Variants in RUNX1 observed in about 807,000 individuals in gnomAD.
RUNX1 encodes runt-related transcription factor 1.
RUNX1 carries 19 observed loss-of-function variants against 42.8 expected under a neutral mutation model. That is an observed-to-expected ratio of 0.44 (90% confidence interval 0.31 to 0.65). The LOEUF (loss-of-function observed/expected upper bound fraction) is 0.65, where lower values mean the gene tolerates loss of function less well. Among genes scored for constraint, RUNX1 ranks in the 30% least tolerant of loss-of-function variants. RUNX1 has a pLI of 0.07. For synonymous variants in RUNX1, 271 were observed against 289.4 expected, an observed-to-expected ratio of 0.94 and a Z score of 0.64; for missense variants, 528 against 672.0, an observed-to-expected ratio of 0.79 and a Z score of 2.37.
intron 7 of RUNX1, among the ~76,000 whole-genome samples, chr21:34,826,183 G>GCTC (rs775450169): frequency 1.4e-4 from 21 of 152,324 alleles, no homozygotes; most frequent in Middle Eastern, 3.4e-3. Context: ...TGTTGATGAG[G>GCTC]CCTTTGCAGG....
At chr21:34,842,509 A>AAG (rs1177908572) in intron 6 of RUNX1, among the ~76,000 whole-genome samples, 91 of 151,702 alleles carry the variant, frequency 6.0e-4, no homozygotes, top group Non-Finnish European at 1.1e-3. Context: ...AAAAAAAAAA[A>AAG]AAAAAATTAA....
intron 4 of RUNX1, among the ~76,000 whole-genome samples, chr21:34,881,537 G>A (rs997479020): frequency 6.6e-6 from 1 of 152,172 alleles, no homozygotes; most frequent in Non-Finnish European, 1.5e-5. Context: ...CCTCAATTCA[G>A]GGGTGGAATT....
chr21:34,865,325 T>C (rs2057644877), intron 5 of RUNX1, among the ~76,000 whole-genome samples: 1 of 138,466 alleles, frequency 7.2e-6, no homozygotes, highest in African/African-American at 2.7e-5. Context: ...TGTGTGTGTG[T>C]TCAGCAGGTG....
At chr21:35,030,921 G>GA (rs1297584072) in intron 2 of RUNX1, among the ~76,000 whole-genome samples, 5 of 152,132 alleles carry the variant, frequency 3.3e-5, no homozygotes, top group African/African-American at 9.6e-5. Flanking sequence ...CAAAGGACCT[G>GA]AAAAAAACAT....
At chr21:35,020,022 G>A (rs991596477) in intron 2 of RUNX1, among the ~76,000 whole-genome samples, 3 of 152,012 alleles carry the variant, frequency 2.0e-5, no homozygotes, top group Admixed American at 6.5e-5. Flanking sequence ...GATTCATCTT[G>A]GGTCTTAGGG....
chr21:34,886,699 C>A, intron 4 of RUNX1, 144 bp downstream of exon 4: 1 of 1,317,220 alleles, frequency 7.6e-7, no homozygotes, highest in Non-Finnish European at 1.0e-6. Context: ...GCATCCCCCA[C>A]ATCCCAAGCT....
intron 7 of RUNX1, among the ~76,000 whole-genome samples, chr21:34,827,436 G>A (rs1569030626): frequency 6.6e-6 from 1 of 152,240 alleles, no homozygotes; most frequent in Non-Finnish European, 1.5e-5. Flanking sequence ...ATTTGGAAGA[G>A]AGTACTAAGG....
chr21:34,876,198 C>T (rs893271600), intron 5 of RUNX1, among the ~76,000 whole-genome samples: 2 of 152,088 alleles, frequency 1.3e-5, no homozygotes, highest in African/African-American at 4.8e-5. Context: ...CAGAATAGGC[C>T]CCCTCCCCTT....
At chr21:35,004,106 G>T (rs1277921308) in intron 2 of RUNX1, among the ~76,000 whole-genome samples, 2 of 152,176 alleles carry the variant, frequency 1.3e-5, no homozygotes, top group East Asian at 1.9e-4. Flanking sequence ...GAAAGCATTA[G>T]CTGTGTTCTA....
At chr21:34,904,083 G>A (rs1033469380) in intron 2 of RUNX1, among the ~76,000 whole-genome samples, 58 of 151,848 alleles carry the variant, frequency 3.8e-4, no homozygotes, top group African/African-American at 5.1e-4. Flanking sequence ...CATTTTTTGC[G>A]GAGACTTCTC....
chr21:35,001,958 T>C (rs1356955960), intron 2 of RUNX1, among the ~76,000 whole-genome samples: 1 of 152,076 alleles, frequency 6.6e-6, no homozygotes, highest in Non-Finnish European at 1.5e-5. Flanking sequence ...ACTCATATAC[T>C]GAAAACCACA....
At chr21:34,889,250 G>A (rs2058045600) in intron 3 of RUNX1, among the ~76,000 whole-genome samples, 2 of 152,216 alleles carry the variant, frequency 1.3e-5, no homozygotes, top group Admixed American at 1.3e-4. Flanking sequence ...GGGGCCCGGG[G>A]GAGCCACTCC....
intron 7 of RUNX1, among the ~76,000 whole-genome samples, chr21:34,822,505 G>A (rs2056922695): frequency 6.6e-6 from 1 of 152,180 alleles, no homozygotes; most frequent in African/African-American, 2.4e-5. Context: ...CGGGGAAGTG[G>A]GTGAGTCTCA....
In RUNX1 at chr21:34,901,444, C is replaced by A. The variant is rs551667480; in HGVS notation, c.59-8481G>T. On this transcript the variant is annotated intron_variant, in intron 2 of 8. Transcript: ENST00000675419. This position sits in a 1 kb window ranked among gnomAD's most constrained non-coding sequence, Gnocchi z 4.3. The stretch of plus-strand genomic sequence containing the variant: ...GGGAGAATCGCTTGAACTCGGAAGG[C>A]GGAGGTTGCAGTGAGCTGAGATGGC... Among the ~76,000 whole-genome samples the A allele has an allele frequency of 6.6e-6, 1 of 152,014 alleles. No individual in the cohort carries two copies. Among genetic ancestry groups the A allele is most frequent in the East Asian group, 1.9e-4 (1 of 5,184 alleles).
chr21:35,046,923 C>G (rs1194385957), intron 2 of RUNX1, among the ~76,000 whole-genome samples: 1 of 152,086 alleles, frequency 6.6e-6, no homozygotes, highest in Non-Finnish European at 1.5e-5. Context: ...GCTAACCGAC[C>G]CTTGTTCCTA....
intron 2 of RUNX1, among the ~76,000 whole-genome samples, chr21:34,948,894 C>T (rs765944432): frequency 5.3e-5 from 8 of 152,054 alleles, no homozygotes; most frequent in Non-Finnish European, 8.8e-5. Context: ...TACAGGAGCC[C>T]GCCACTGTGC....
intron 2 of RUNX1, among the ~76,000 whole-genome samples, chr21:34,992,700 A>C (rs13050620): frequency 6.6e-6 from 1 of 151,694 alleles, no homozygotes; most frequent in Non-Finnish European, 1.5e-5. Flanking sequence ...AAAAAAAAAA[A>C]CAACCCAAGA....
intron 5 of RUNX1, among the ~76,000 whole-genome samples, chr21:34,863,713 C>A (rs1455194762): frequency 6.6e-6 from 1 of 151,926 alleles, no homozygotes; most frequent in Non-Finnish European, 1.5e-5. Context: ...TACCACCACA[C>A]CCAGCTAATT....
intron 2 of RUNX1, among the ~76,000 whole-genome samples, chr21:34,926,237 G>A (rs1049437073): frequency 5.3e-5 from 8 of 151,848 alleles, no homozygotes; most frequent in African/African-American, 1.9e-4. Context: ...CATTTTGTGA[G>A]GTCGAGGTGG....
Sources: allele counts gnomAD v4.1 joint callset (sites outside exome capture counted in the v4.1 genomes callset), GRCh38; gene constraint gnomAD v4.1.1; non-coding constraint Gnocchi (gnomAD v3.1); transcripts MANE v1.5; gene names NCBI Gene and HGNC (gene_info 2026-07-23, HGNC 2026-07-21).